Variants in LAMA1 observed in about 807,000 individuals in gnomAD.
The protein encoded by LAMA1 is laminin subunit alpha 1.
In LAMA1, 219 loss-of-function variants were observed where a neutral mutation model predicts 348.7. The ratio of observed to expected loss-of-function variants is 0.63; its 90% CI spans 0.56 to 0.70. The LOEUF is 0.70. Ranked by LOEUF, LAMA1 falls within the 30% of genes least tolerant of loss-of-function variation. The probability of loss-of-function intolerance (pLI) is 0.00; values close to 1 mark genes in which losing one functional copy is unlikely to be tolerated. For synonymous variants in LAMA1, 1,487 were observed against 1,491.0 expected (o/e 1.00, Z 0.06); for missense variants, 3,744 against 3,888.0 (o/e 0.96, Z 0.99).
intron 16 of LAMA1, among the ~76,000 whole-genome samples, chr18:7,030,727 T>A (rs2057964954): frequency 6.6e-6 from 1 of 152,184 alleles, no homozygotes. Flanking sequence ...ATCACTTTAA[T>A]GTGAATATAT....
At chr18:6,955,614 G>C (rs578046224) in intron 56 of LAMA1, 149 bp from the exon 57 acceptor site, 2 of 703,842 alleles carry the variant, frequency 2.8e-6, no homozygotes, top group East Asian at 5.4e-5. Flanking sequence ...CTCCATCTTC[G>C]GTTTAAATGA....
chr18:6,941,928 T>A lies in LAMA1; in HGVS notation c.*151A>T, dbSNP rs1253565758. 1.1e-6 allele frequency: 1 copy of A among 870,294 alleles called. No individual in the cohort carries two copies. Among genetic ancestry groups the A allele is most frequent in the East Asian group, 2.4e-5 (1 of 40,938 alleles). The allele number at this position is 870,294 out of a possible 1,614,324, so 53.9% of individuals were successfully genotyped here. On this transcript the variant is annotated 3_prime_UTR_variant, in exon 63 of 63. Coordinates refer to ENST00000389658, the MANE Select transcript of LAMA1 (RefSeq NM_005559.4). ...TTAATGGAGGTATTTGTTGCACATG[T>A]GGTTTTAGTGTAACGTAAACACAAC...
At position 7,013,822 on chromosome 18, in the gene LAMA1, G is replaced by A; in HGVS notation, c.3356C>T (p.Pro1119Leu). The change falls in exon 23 of 63, where the codon CCT becomes CTT. Residue 1119 changes from proline (P) to leucine (L), a missense_variant. Pro to Leu is a moderately conservative substitution (Grantham distance 98). Transcript: ENST00000389658. ...AGGATGGATGGTAAATACCTTGCAAGGGCAGGCCCCGGTTTCCTCCACACA... is the reference window on the plus strand; with the variant it reads ...AGGATGGATGGTAAATACCTTGCAAAGGCAGGCCCCGGTTTCCTCCACACA... ...CGCVEETGAC[P>L]CKENVFGPQC... The A allele has an allele frequency of 6.2e-7, 1 of 1,611,254 alleles. No individual in the cohort carries two copies. The highest frequency in any genetic ancestry group is 8.5e-7 in the Non-Finnish European group (1 of 1,178,660).
chr18:6,970,970 C>T (rs1007873287), intron 48 of LAMA1, among the ~76,000 whole-genome samples: 1 of 152,116 alleles, frequency 6.6e-6, no homozygotes, highest in Non-Finnish European at 1.5e-5. Flanking sequence ...AAACTACAGA[C>T]CTGACAATGA....
intron 14 of LAMA1, 68 bp downstream of exon 14, chr18:7,034,411 A>G: frequency 2.7e-6 from 3 of 1,127,676 alleles, no homozygotes; most frequent in Non-Finnish European, 4.0e-6. Context: ...CTTTAAATAT[A>G]TATGAATAAA....
chr18:7,111,384 C>T (rs1210566044), intron 1 of LAMA1, among the ~76,000 whole-genome samples: 1 of 152,166 alleles, frequency 6.6e-6, no homozygotes, highest in African/African-American at 2.4e-5. Context: ...TGCCTCCTGC[C>T]CCCAAGCAAG....
Position 6,961,607 on chromosome 18 carries a change from A to G in LAMA1, c.7605T>C (p.Gly2535=). 1 of 1,611,706 alleles carries G rather than the reference A, an allele frequency of 6.2e-7. No homozygotes were observed. The stretch of plus-strand genomic sequence containing the variant: ...TCACCACGTGTGCTTCCTCACGATC[A>G]CCCCGCTTCTCCACATCCCCGCCGA... ...AALGGDVEKR[G]DREEAHVPFF... The change falls in exon 53 of 63, where the codon GGT becomes GGC. Residue 2535 remains glycine, a synonymous_variant. Transcript: ENST00000389658.
rs1337926675 is a variant in LAMA1, at chr18:6,980,606, A to G, written c.5922T>C (p.Asn1974=). 1.2e-6 allele frequency: 2 copies of G among 1,612,534 alleles called. No individual in the cohort carries two copies. Among genetic ancestry groups the G allele is most frequent in the East Asian group, 4.5e-5 (2 of 44,870 alleles). The change falls in exon 42 of 63, where the codon AAT becomes AAC. Residue 1974 remains asparagine (N), a synonymous_variant. Transcript: ENST00000389658. ...CATTCTCTTGAAATCTGTTTGTCTT[A>G]TTTCTCAATTCACTCAGTTCCAATG... ...GIALELSELR[N]KTNRFQENAV...
intron 1 of LAMA1, among the ~76,000 whole-genome samples, chr18:7,093,810 T>C (rs1466895477): frequency 1.3e-5 from 2 of 150,218 alleles, no homozygotes; most frequent in Non-Finnish European, 3.0e-5. Context: ...AATCTCTCTC[T>C]GTTGCCCAGG....
chr18:6,999,758 T>C lies in LAMA1; in HGVS notation c.4470-120A>G, dbSNP rs2057799290. On this transcript the variant is annotated intron_variant, in intron 31 of 62. Coordinates refer to ENST00000389658, the MANE Select transcript of LAMA1 (RefSeq NM_005559.4). ...ACAGATCCATTCACCTTGGGAAAACTTGTTCTGGAACAGTAATGAGGTCTT... is the reference window on the plus strand; with the variant it reads ...ACAGATCCATTCACCTTGGGAAAACCTGTTCTGGAACAGTAATGAGGTCTT... 5 of 1,201,768 alleles carry C rather than the reference T, an allele frequency of 4.2e-6. No individual in the cohort carries two copies. The East Asian group carries it at 1.2e-4, about 30-fold the overall frequency. 74.4% of individuals were successfully genotyped at this position (1,201,768 alleles called of 1,614,324 possible).
intron 59 of LAMA1, 69 bp downstream of exon 59, chr18:6,949,032 G>A (rs961977450): frequency 6.3e-7 from 1 of 1,578,262 alleles, no homozygotes; most frequent in South Asian, 1.1e-5. Flanking sequence ...ATGCCGTGAG[G>A]TATGCTCTTC....
rs766843027 is a variant in LAMA1 at position 6,958,519 on chromosome 18, C to T, written c.7922G>A (p.Arg2641Lys). The T allele has an allele frequency of 2.0e-5, 32 of 1,614,076 alleles. No individual in the cohort carries two copies. Among genetic ancestry groups the T allele is most frequent in the Middle Eastern group, 1.6e-4 (1 of 6,084 alleles). ...GEGTSLLTMR[R>K]SFHGCIKNLI... ...GTTTTTGATACAGCCATGGAACGATCTTCTCATTGTGAGCAGTGACGTCCC... is the reference window on the plus strand; with the variant it reads ...GTTTTTGATACAGCCATGGAACGATTTTCTCATTGTGAGCAGTGACGTCCC... The change falls in exon 55 of 63, where the codon AGA becomes AAA. Residue 2641 changes from arginine (R) to lysine (K), a missense_variant. Coordinates refer to ENST00000389658, the MANE Select transcript of LAMA1 (RefSeq NM_005559.4).
At chr18:6,964,612 G>A in intron 51 of LAMA1, 50 bp downstream of exon 51, 2 of 1,604,466 alleles carry the variant, frequency 1.2e-6, no homozygotes, top group African/African-American at 1.3e-5. Flanking sequence ...GCCCTAGCAA[G>A]CTAATAAAGT....
At chr18:7,078,368 G>T (rs984473919) in intron 3 of LAMA1, among the ~76,000 whole-genome samples, 2 of 151,240 alleles carry the variant, frequency 1.3e-5, no homozygotes, top group Non-Finnish European at 2.9e-5. Context: ...GGGTTTCACC[G>T]TGTTAGCCAG....
rs2058027427 is a variant in LAMA1 at position 7,043,078 on chromosome 18, G to A, written c.1155+149C>T. On this transcript the variant is annotated intron_variant, in intron 8 of 62. Transcript: ENST00000389658. ...GAGCAAGAAAAGCAGGATAGAGTAG[G>A]AAATATATATATAAAAACACTACTG... The A allele has an allele frequency of 5.3e-6, 4 of 749,394 alleles. No individual in the cohort carries two copies. The East Asian group carries it at 1.0e-4, about 20-fold the overall frequency. 46.4% of individuals were successfully genotyped at this position (749,394 alleles called of 1,614,324 possible).
intron 16 of LAMA1, among the ~76,000 whole-genome samples, chr18:7,027,759 A>G (rs1193672142): frequency 6.6e-6 from 1 of 152,138 alleles, no homozygotes; most frequent in Non-Finnish European, 1.5e-5. Context: ...CCTGGCCAAC[A>G]GGGAGAAACC....
chr18:7,033,313 G>A (rs545907857), intron 14 of LAMA1, among the ~76,000 whole-genome samples: 4 of 152,002 alleles, frequency 2.6e-5, no homozygotes, highest in Non-Finnish European at 5.9e-5. Flanking sequence ...AAAATTAGCC[G>A]GGCGTGGTGG....
chr18:7,009,845 C>T (rs1236826652), intron 26 of LAMA1, among the ~76,000 whole-genome samples: 4 of 152,162 alleles, frequency 2.6e-5, no homozygotes, highest in Admixed American at 1.3e-4. Context: ...GTCTCTCTGT[C>T]GCACAAGCTG....
chr18:6,966,805 A>T (rs2057635199), intron 48 of LAMA1, among the ~76,000 whole-genome samples: 1 of 152,184 alleles, frequency 6.6e-6, no homozygotes, highest in Non-Finnish European at 1.5e-5. Context: ...CTGCAGGATG[A>T]GCTTAAAGAC....
Sources: allele counts gnomAD v4.1 joint callset (sites outside exome capture counted in the v4.1 genomes callset), GRCh38; gene constraint gnomAD v4.1.1; transcripts MANE v1.5; gene names NCBI Gene and HGNC (gene_info 2026-07-23, HGNC 2026-07-21).